The following FKBP5 variants were observed in gnomAD, a reference collection of about 807,000 sequenced individuals.
The protein encoded by FKBP5 is peptidyl-prolyl cis-trans isomerase FKBP5.
In FKBP5, 23 loss-of-function variants were observed where a neutral mutation model predicts 50.5. The ratio of observed to expected loss-of-function variants is 0.46; its 90% confidence interval spans 0.33 to 0.65. The LOEUF (loss-of-function observed/expected upper bound fraction) is 0.65, where lower values mean the gene tolerates loss of function less well. FKBP5 is among the 30% of genes least tolerant of loss of function. The probability of loss-of-function intolerance (pLI) is 0.02; values close to 1 mark genes in which losing one functional copy is unlikely to be tolerated. For synonymous variants in FKBP5, 176 were observed against 190.6 expected, an observed-to-expected ratio of 0.92 and a Z score of 0.63; for missense variants, 411 against 553.1, an observed-to-expected ratio of 0.74 and a Z score of 2.58.
chr6:35,628,964 G>A (rs1286821097), intron 3 of FKBP5, among the ~76,000 whole-genome samples: 1 of 152,198 alleles, frequency 6.6e-6, no homozygotes, highest in African/African-American at 2.4e-5. Flanking sequence ...TGATCTGCCC[G>A]CCTCGGCCTC....
chr6:35,576,430 G>A (rs1762216880), intron 10 of FKBP5, among the ~76,000 whole-genome samples: 1 of 152,146 alleles, frequency 6.6e-6, no homozygotes, highest in Non-Finnish European at 1.5e-5. Context: ...CCAGCACTTT[G>A]GGAGACCAAA....
At chr6:35,698,465 G>A (rs987212063) in intron 2 of FKBP5, among the ~76,000 whole-genome samples, 6 of 151,706 alleles carry the variant, frequency 4.0e-5, no homozygotes, top group South Asian at 2.1e-4. Context: ...TGGCCAATAT[G>A]GTGAAATCCT....
At position 35,577,198 on chromosome 6, in the gene FKBP5, C is replaced by T. The variant is rs753049321; in HGVS notation, c.1062G>A (p.Leu354=). The T allele has an allele frequency of 1.2e-6, 2 of 1,613,034 alleles. No individual in the cohort carries two copies. Among genetic ancestry groups the T allele is most frequent in the Admixed American group, 1.7e-5 (1 of 59,952 alleles). Residue 354 remains leucine, a synonymous_variant, in exon 10 of 11, where the codon TTG becomes TTA. Transcript: ENST00000357266. ...LGLDSANEKG[L]YRRGEAQLLM... is the part of the protein sequence containing the mutation. ...GCAGCTGGGCTTCACCCCTCCTATA[C>T]AAGCCTTTCTCATTGGCACTGTCCA...
At chr6:35,718,991 T>A (rs573899995) in intron 2 of FKBP5, among the ~76,000 whole-genome samples, 1 of 152,284 alleles carries the variant, frequency 6.6e-6, no homozygotes, top group South Asian at 2.1e-4. Context: ...CAGGGACCTC[T>A]AGCAGAACAG....
intron 3 of FKBP5, among the ~76,000 whole-genome samples, chr6:35,625,698 T>A (rs1219316840): frequency 2.0e-5 from 3 of 148,374 alleles, no homozygotes; most frequent in African/African-American, 7.4e-5. Context: ...ATTGCGCCAC[T>A]GCACTCCAGC....
At chr6:35,647,081 T>C (rs78057539) in intron 1 of FKBP5, among the ~76,000 whole-genome samples, 4,268 of 152,298 alleles carry the variant, frequency 0.028, 176 homozygotes, top group African/African-American at 0.096. Context: ...AGAAAGATAT[T>C]TCTTTGGTAA....
chr6:35,592,482 ACC>A (rs1231103891), intron 6 of FKBP5, among the ~76,000 whole-genome samples: 5 of 151,296 alleles, frequency 3.3e-5, no homozygotes, highest in Non-Finnish European at 7.4e-5. Context: ...ATTACCAGTG[ACC>A]AATTTTAAGA....
intron 5 of FKBP5, among the ~76,000 whole-genome samples, chr6:35,604,591 A>G (rs74413181): frequency 6.6e-6 from 1 of 151,670 alleles, no homozygotes; most frequent in East Asian, 1.9e-4. Context: ...CAATATGGGC[A>G]GACGTAATCT....
chr6:35,692,165 A>G (rs182333931), upstream of FKBP5, among the ~76,000 whole-genome samples: 3 of 152,214 alleles, frequency 2.0e-5, no homozygotes, highest in East Asian at 3.9e-4. Context: ...TTTCTTTTAG[A>G]GACAAGGGCT....
rs117315114 is a variant in FKBP5, at chr6:35,716,170, G to C, written c.-20+4158C>G. ...GAGGATTGCTTGAGGCCAGGAGTTC[G>C]AGCCCAGCCTGGGCACTGTAGGGAG... is the stretch of plus-strand genomic sequence containing the variant. On this transcript the variant is annotated intron_variant, in intron 2 of 11. Transcript: ENST00000536438. 6.4e-4 allele frequency among the ~76,000 whole-genome samples: 97 copies of C among 152,076 alleles called. 1 individual carries two copies. The East Asian group carries it at 0.018, about 28-fold the overall frequency.
chr6:35,713,466 G>A (rs1172527576), intron 2 of FKBP5, among the ~76,000 whole-genome samples: 1 of 152,186 alleles, frequency 6.6e-6, no homozygotes. Context: ...AACCTTATGA[G>A]GTAGACACTA....
chr6:35,673,746 T>C (rs1421471730), intron 1 of FKBP5, among the ~76,000 whole-genome samples: 3 of 152,174 alleles, frequency 2.0e-5, no homozygotes, highest in South Asian at 2.1e-4. Context: ...ATTAATAAGG[T>C]TGAATTATTA....
chr6:35,611,791 CATATAA>C (rs1260463236), intron 5 of FKBP5, among the ~76,000 whole-genome samples: 1 of 152,092 alleles, frequency 6.6e-6, no homozygotes. Flanking sequence ...TTAGGATCCT[CATATAA>C]AGAGTAAAAA....
rs763833679 is a variant in FKBP5, at chr6:35,575,794, G to A, written c.*41C>T. 1 of 1,286,928 alleles carries A rather than the reference G, an allele frequency of 7.8e-7. No individual in the cohort carries two copies. The highest frequency in any genetic ancestry group is 1.1e-6 in the Non-Finnish European group (1 of 880,964). 79.7% of individuals were successfully genotyped at this position (1,286,928 alleles called of 1,614,324 possible). A position where few individuals can be genotyped will look rare whatever the true frequency, so the allele number is the denominator to read the frequency against. ...GAGTTGGGGGAAAGCCCATTGAGGA[G>A]GGGCCGAGTTCACTGGGACTCTTCC... On this transcript the variant is annotated 3_prime_UTR_variant, in exon 11 of 11. Coordinates refer to ENST00000357266, the MANE Select transcript of FKBP5 (RefSeq NM_004117.4).
At chr6:35,719,760 T>C (rs937759269) in intron 2 of FKBP5, among the ~76,000 whole-genome samples, 1 of 152,206 alleles carries the variant, frequency 6.6e-6, no homozygotes, top group African/African-American at 2.4e-5. Context: ...CCCACAGGCT[T>C]TGGAACCTAG....
intron 7 of FKBP5, among the ~76,000 whole-genome samples, chr6:35,590,035 C>A (rs533101280): frequency 6.6e-6 from 1 of 152,318 alleles, no homozygotes; most frequent in South Asian, 2.1e-4. Flanking sequence ...CAGTGGCTCA[C>A]CCCTACAATC....
At chr6:35,717,892 C>T (rs1423328040) in intron 2 of FKBP5, among the ~76,000 whole-genome samples, 1 of 152,166 alleles carries the variant, frequency 6.6e-6, no homozygotes, top group African/African-American at 2.4e-5. Context: ...GTCTTGGAGG[C>T]CCAGCAGAAG....
chr6:35,711,590 C>T (rs139112402), intron 2 of FKBP5, among the ~76,000 whole-genome samples: 1 of 151,782 alleles, frequency 6.6e-6, no homozygotes, highest in Non-Finnish European at 1.5e-5. Context: ...TGTGCTCCAG[C>T]CTGGGCAACA....
In FKBP5 at chr6:35,703,106, T is replaced by C. The variant is rs142617003; in HGVS notation, c.-20+17222A>G. 3.1e-3 allele frequency among the ~76,000 whole-genome samples: 464 copies of C among 151,886 alleles called. 1 individual carries two copies. The highest frequency in any genetic ancestry group is 0.011 in the African/African-American group (436 of 41,428). On this transcript the variant is annotated intron_variant, in intron 2 of 11. Coordinates refer to the FKBP5 transcript ENST00000536438. ...CTCTATCAAAAATACAAAAATTAGCTGGGTGTGATGGCAGGCACCTGTAAT... is the reference window on the plus strand; with the variant it reads ...CTCTATCAAAAATACAAAAATTAGCCGGGTGTGATGGCAGGCACCTGTAAT...
Sources: allele counts gnomAD v4.1 joint callset (sites outside exome capture counted in the v4.1 genomes callset), GRCh38; gene constraint gnomAD v4.1.1; transcripts MANE v1.5; gene names NCBI Gene and HGNC (gene_info 2026-07-23, HGNC 2026-07-21).